The following ZNF521 variants were observed in gnomAD, a reference collection of about 807,000 sequenced individuals.
ZNF521 encodes zinc finger protein 521, also known as LYST-interacting protein 3.
In ZNF521, 14 loss-of-function variants were observed where a neutral mutation model predicts 105.5. The ratio of observed to expected loss-of-function variants is 0.13; its 90% CI spans 0.09 to 0.21. The LOEUF is 0.21. Ranked by LOEUF, ZNF521 falls within the 10% of genes least tolerant of loss-of-function variation. ZNF521 has a pLI of 1.00. For missense variants in ZNF521, 1,233 were observed against 1,629.7 expected, an observed-to-expected ratio of 0.76 and a Z score of 4.19; for synonymous variants, 635 against 606.0, an observed-to-expected ratio of 1.05 and a Z score of -0.70.
At chr18:25,091,832 C>A (rs1485023499) in intron 6 of ZNF521, 118 bp downstream of exon 6, 5 of 1,271,450 alleles carry the variant, frequency 3.9e-6, no homozygotes, top group Non-Finnish European at 4.2e-6. Flanking sequence ...ATCTTCCCCC[C>A]AAATTGAACT....
At chr18:25,142,206 C>A (rs894211701) in intron 5 of ZNF521, among the ~76,000 whole-genome samples, 2 of 152,134 alleles carry the variant, frequency 1.3e-5, no homozygotes, top group African/African-American at 2.4e-5. Flanking sequence ...CAGACTGACA[C>A]CGTTTGGACT....
chr18:25,276,716 C>T (rs925509969), intron 3 of ZNF521, among the ~76,000 whole-genome samples: 6 of 152,196 alleles, frequency 3.9e-5, no homozygotes, highest in Non-Finnish European at 7.3e-5. Flanking sequence ...TCCAAAGCCT[C>T]GTTCATATGC....
chr18:25,195,803 C>T (rs760861515), intron 4 of ZNF521, among the ~76,000 whole-genome samples: 12 of 151,772 alleles, frequency 7.9e-5, no homozygotes, highest in Non-Finnish European at 1.3e-4. Context: ...ATATGTACCT[C>T]ATCCTATAAA....
intron 5 of ZNF521, among the ~76,000 whole-genome samples, chr18:25,107,857 T>C (rs1364049385): frequency 1.3e-5 from 2 of 152,230 alleles, no homozygotes; most frequent in African/African-American, 2.4e-5. Context: ...ATCTTACTCA[T>C]GTTTTGTCCT....
intron 5 of ZNF521, among the ~76,000 whole-genome samples, chr18:25,117,804 G>A (rs2034358386): frequency 6.6e-6 from 1 of 151,884 alleles, no homozygotes; most frequent in African/African-American, 2.4e-5. Context: ...ATGTGAGAAA[G>A]AAAACGGGAA....
chr18:25,165,363 C>T (rs556365086), intron 5 of ZNF521, among the ~76,000 whole-genome samples: 13 of 152,266 alleles, frequency 8.5e-5, no homozygotes, highest in African/African-American at 2.9e-4. Context: ...CCAAAAAACA[C>T]GGAGCAGAAG....
chr18:25,278,132 G>A (rs950474627), intron 3 of ZNF521, among the ~76,000 whole-genome samples: 2 of 152,130 alleles, frequency 1.3e-5, no homozygotes, highest in African/African-American at 4.8e-5. Flanking sequence ...TGACAGCACA[G>A]GCAATGCAAA....
At chr18:25,276,677 A>G (rs945018503) in intron 3 of ZNF521, among the ~76,000 whole-genome samples, 26 of 152,186 alleles carry the variant, frequency 1.7e-4, no homozygotes, top group African/African-American at 5.3e-4. Context: ...TTTAAGACAC[A>G]TCCCACACTT....
chr18:25,251,476 C>T (rs1433223598), intron 3 of ZNF521, among the ~76,000 whole-genome samples: 1 of 152,184 alleles, frequency 6.6e-6, no homozygotes, highest in African/African-American at 2.4e-5. Context: ...AATAAATGCA[C>T]TGAAACTATG....
intron 3 of ZNF521, among the ~76,000 whole-genome samples, chr18:25,306,183 A>G (rs1483442475): frequency 2.0e-5 from 3 of 152,198 alleles, no homozygotes. Context: ...TTTCTCCTTT[A>G]GAAGATTGGT....
intron 5 of ZNF521, among the ~76,000 whole-genome samples, chr18:25,137,354 T>C (rs555975921): frequency 3.3e-5 from 5 of 152,210 alleles, no homozygotes; most frequent in African/African-American, 9.6e-5. Context: ...CGGGCAAAGG[T>C]TTCTCTACTG....
rs2032929151 is a variant in ZNF521 at position 25,062,673 on chromosome 18, T to G, written c.*39A>C. The G allele has an allele frequency of 1.9e-6, 3 of 1,590,520 alleles. No homozygotes were observed. The highest frequency in any genetic ancestry group is 2.6e-6 in the Non-Finnish European group (3 of 1,173,578). ...AAGAGTAAAACATGTTCCCTTTTTG[T>G]GCCACAAAATCAATTCTCCTTGAGA... On this transcript the variant is annotated 3_prime_UTR_variant, in exon 8 of 8. Coordinates refer to ENST00000361524, the MANE Select transcript of ZNF521 (RefSeq NM_015461.3).
chr18:25,351,958 A>T (rs1253601247), intron 1 of ZNF521, 47 bp downstream of exon 1: 2 of 340,758 alleles, frequency 5.9e-6, no homozygotes, highest in South Asian at 4.4e-5. Context: ...AGCCGGGAGC[A>T]GGAGGAGGAG....
intron 3 of ZNF521, among the ~76,000 whole-genome samples, chr18:25,249,148 T>C (rs1009431672): frequency 2.1e-5 from 3 of 143,014 alleles, no homozygotes; most frequent in Admixed American, 7.0e-5. Flanking sequence ...CTTTACTTTC[T>C]TTTTTTTTTT....
At position 25,342,650 on chromosome 18, in the gene ZNF521, G is replaced by C. The variant is rs576595559; in HGVS notation, c.40+8257C>G. 7.4e-3 allele frequency among the ~76,000 whole-genome samples: 1,119 copies of C among 151,740 alleles called. 8 individuals carry two copies. The highest frequency in any genetic ancestry group is 0.01 in the Non-Finnish European group (708 of 67,864). On this transcript the variant is annotated intron_variant, in intron 2 of 7. Coordinates refer to ENST00000361524, the MANE Select transcript of ZNF521 (RefSeq NM_015461.3). ...TCACCGTGTTAGCCAGGATGGTCTC[G>C]ATCTCCTGACCTCGTGATCCGCCCG...
intron 3 of ZNF521, 67 bp downstream of exon 3, chr18:25,321,940 AG>A: frequency 7.0e-7 from 1 of 1,435,144 alleles, no homozygotes; most frequent in East Asian, 2.3e-5. Flanking sequence ...AAACACATAA[AG>A]GAACAAACTG....
rs181950061 is a variant in ZNF521, at chr18:25,303,791, T to A, written c.220+18217A>T. 7.3e-4 allele frequency among the ~76,000 whole-genome samples: 111 copies of A among 152,304 alleles called. 1 individual carries two copies. The highest frequency in any genetic ancestry group is 2.6e-3 in the African/African-American group (108 of 41,552). On this transcript the variant is annotated intron_variant, in intron 3 of 7. Transcript: ENST00000361524. ...TTAACTGTACAGGGAGGAACAGATA[T>A]CTGAGATAGTCAATTATTCAACACA...
chr18:25,256,350 T>C (rs1301082471), intron 3 of ZNF521, among the ~76,000 whole-genome samples: 1 of 152,154 alleles, frequency 6.6e-6, no homozygotes, highest in Non-Finnish European at 1.5e-5. Context: ...ATGATGTGAA[T>C]GTACGTAACA....
Position 25,225,293 on chromosome 18 carries a change from G to T in ZNF521, c.2625C>A (p.Ser875Arg), listed in dbSNP as rs142319874. 2 of 1,614,072 alleles carry T rather than the reference G, an allele frequency of 1.2e-6. No individual in the cohort carries two copies. Among genetic ancestry groups the T allele is most frequent in the Non-Finnish European group, 1.7e-6 (2 of 1,180,004 alleles). ...GCTCAGAGGTGTCAACGTCTTCTTC[G>T]CTCCCATCGTGACTGTTGTGGGACT... ...SQESHNSHDGSEEDVDTSEPM... is the reference protein window; with the variant it reads ...SQESHNSHDGREEDVDTSEPM... Residue 875 changes from serine to arginine, a missense_variant, in exon 4 of 8, where the codon AGC becomes AGA. Physicochemically the swap from Ser to Arg is moderately radical, Grantham distance 110. This residue lies in a region of ZNF521 where 614 missense variants were observed against 751.5 expected (regional missense o/e 0.82). Transcript: ENST00000361524. This position sits in a 1 kb window ranked among gnomAD's most constrained non-coding sequence, Gnocchi z 5.6.
Sources: gnomAD v4.1 joint callset for allele counts (sites outside exome capture counted in the v4.1 genomes callset) on GRCh38, gnomAD v4.1.1 for gene constraint, gnomAD v4.1.1 regional missense constraint, Gnocchi (gnomAD v3.1) non-coding constraint, MANE v1.5 for transcripts, NCBI Gene and HGNC (gene_info 2026-07-23, HGNC 2026-07-21) for gene names.